Variants in NIBAN3 observed in about 807,000 individuals in gnomAD.
The protein encoded by NIBAN3 is niban apoptosis regulator 3, also known as protein Niban 3.
In NIBAN3, 66 loss-of-function variants were observed where a neutral mutation model predicts 76.4. The ratio of observed to expected loss-of-function variants is 0.86; its 90% CI spans 0.71 to 1.06. The LOEUF (loss-of-function observed/expected upper bound fraction) is 1.06, where lower values mean the gene tolerates loss of function less well. NIBAN3 is among the 50% of genes least tolerant of loss of function. The pLI is 0.00. For missense variants in NIBAN3, 808 were observed against 810.7 expected, an observed-to-expected ratio of 1.00 and a Z score of 0.04; for synonymous variants, 360 against 355.2, an observed-to-expected ratio of 1.01 and a Z score of -0.15.
At position 17,539,793 on chromosome 19, in the gene NIBAN3, G is replaced by A. The variant is rs1295222233; in HGVS notation, c.979+28G>A. On this transcript the variant is annotated intron_variant, in intron 8 of 14. Transcript: ENST00000599164. The stretch of plus-strand genomic sequence containing the variant: ...GAGGCCCTGGGGCGGAGCCTGGGCT[G>A]GGAGGGGCGAGGCGATGCTGGGGAA... The A allele has an allele frequency of 2.7e-6, 4 of 1,482,424 alleles. No homozygotes were observed. The South Asian group carries it at 4.9e-5, about 18-fold the overall frequency. The allele number at this position is 1,482,424 out of a possible 1,614,324, so 91.8% of individuals were successfully genotyped here. A position where few individuals can be genotyped will look rare whatever the true frequency, so the allele number is the denominator to read the frequency against.
At chr19:17,538,634 A>T (rs2075869781) in intron 5 of NIBAN3, among the ~76,000 whole-genome samples, 1 of 150,044 alleles carries the variant, frequency 6.7e-6, no homozygotes, top group African/African-American at 2.5e-5. Context: ...GAGAGAGAAA[A>T]GAAAAGAAAA....
At chr19:17,525,017 A>G (rs1399811908), upstream of NIBAN3, among the ~76,000 whole-genome samples, 1 of 152,180 alleles carries the variant, frequency 6.6e-6, no homozygotes, top group African/African-American at 2.4e-5. Flanking sequence ...ACTGAGGCCA[A>G]TAGGAGCAAT....
intron 13 of NIBAN3, among the ~76,000 whole-genome samples, chr19:17,548,428 G>A (rs1325847269): frequency 1.3e-5 from 2 of 152,144 alleles, no homozygotes; most frequent in East Asian, 1.9e-4. Flanking sequence ...TGGGAACAAA[G>A]GACAGGCCCG....
At chr19:17,535,712 T>C (rs115776334) in intron 4 of NIBAN3, among the ~76,000 whole-genome samples, 2 of 148,154 alleles carry the variant, frequency 1.3e-5, no homozygotes, top group African/African-American at 5.1e-5. Context: ...AGCGCCACTT[T>C]ACTCCAGCAT....
At chr19:17,539,901 G>A (rs2075910326) in intron 8 of NIBAN3, 136 bp downstream of exon 8, 3 of 650,836 alleles carry the variant, frequency 4.6e-6, no homozygotes, top group Admixed American at 3.2e-5. Context: ...GCCAAGCATA[G>A]GATGTGCAAG....
At position 17,539,670 on chromosome 19, in the gene NIBAN3, A is replaced by G; in HGVS notation, c.884A>G (p.Glu295Gly). Residue 295 changes from glutamate (E) to glycine (G), a missense_variant, in exon 8 of 15, where the codon GAA (glutamate) becomes GGA (glycine). Glu to Gly is a moderately conservative substitution (Grantham distance 98, BLOSUM62 -2). Coordinates refer to ENST00000599164, the MANE Select transcript of NIBAN3 (RefSeq NM_001321827.2). ...GCCGGGCTCTGCGCCTTCCAGCCCG[A>G]AAAGGACGAGCTGCTTGCGTCGCTG... ...ASAGLCAFQP[E>G]KDELLASLEK... The G allele has an allele frequency of 1.3e-6, 2 of 1,561,316 alleles. No homozygotes were observed. Among genetic ancestry groups the G allele is most frequent in the Non-Finnish European group, 1.7e-6 (2 of 1,152,924 alleles).
intron 12 of NIBAN3, among the ~76,000 whole-genome samples, chr19:17,544,742 C>A (rs915309816): frequency 6.6e-6 from 1 of 152,118 alleles, no homozygotes; most frequent in African/African-American, 2.4e-5. Flanking sequence ...CTCATGGGCA[C>A]CAGGCGGGTG....
In NIBAN3 at chr19:17,551,891, G is replaced by A. The variant is rs769599401; in HGVS notation, c.1856G>A (p.Arg619Gln). The change falls in exon 15 of 15, where the codon CGG becomes CAG. Residue 619 changes from arginine to glutamine, a missense_variant. Physicochemically the swap from Arg to Gln is conservative, Grantham distance 43. Coordinates refer to ENST00000599164, the MANE Select transcript of NIBAN3 (RefSeq NM_001321827.2). ...LCPPPSPGTF[R>Q]S The stretch of plus-strand genomic sequence containing the variant: ...CCACCGCCTTCTCCAGGAACATTCC[G>A]GAGCTGAATCTTCACCCACATCTAT... 29 of 777,448 alleles carry A rather than the reference G, an allele frequency of 3.7e-5. No homozygotes were observed. The highest frequency in any genetic ancestry group is 6.8e-5 in the African/African-American group (4 of 59,056). 48.2% of individuals were successfully genotyped at this position (777,448 alleles called of 1,614,324 possible).
chr19:17,553,368 C>T lies in NIBAN3; in HGVS notation c.*1470C>T, dbSNP rs776352561. ...TGGCTGGGAGACAAGCTTTTACCGACTTCCTCTGCTTGCCAGCAAAGTCAT... is the reference window on the plus strand; with the variant it reads ...TGGCTGGGAGACAAGCTTTTACCGATTTCCTCTGCTTGCCAGCAAAGTCAT... On this transcript the variant is annotated 3_prime_UTR_variant, in exon 15 of 15. Coordinates refer to ENST00000599164, the MANE Select transcript of NIBAN3 (RefSeq NM_001321827.2). 2.5e-6 allele frequency: 4 copies of T among 1,614,054 alleles called. No homozygotes were observed. The African/African-American group carries it at 4.0e-5, about 16-fold the overall frequency.
At position 17,537,502 on chromosome 19, in the gene NIBAN3, G is replaced by C. The variant is rs985026826; in HGVS notation, c.554G>C (p.Trp185Ser). Residue 185 changes from tryptophan to serine, a missense_variant, in exon 5 of 15, where the codon TGG (tryptophan) becomes TCG (serine). By Grantham distance (177) the Trp-to-Ser change is radical (BLOSUM62 -3). Coordinates refer to ENST00000599164, the MANE Select transcript of NIBAN3 (RefSeq NM_001321827.2). Reference protein sequence around the residue: ...SAATREAQHAWRLALQGGIRL... With the variant: ...SAATREAQHASRLALQGGIRL... ...GCCACCAGGGAGGCACAGCATGCCT[G>C]GAGGCTGGCCCTGCAGGGTGGCATC... 8.7e-6 allele frequency: 14 copies of C among 1,611,090 alleles called. No homozygotes were observed. The highest frequency in any genetic ancestry group is 1.3e-5 in the African/African-American group (1 of 74,912).
Position 17,553,247 on chromosome 19 carries a change from A to G in NIBAN3, c.*1349A>G. 6.3e-7 allele frequency: 1 copy of G among 1,579,494 alleles called. No individual in the cohort carries two copies. Among genetic ancestry groups the G allele is most frequent in the Non-Finnish European group, 8.6e-7 (1 of 1,163,664 alleles). ...ATCTGAAGGATATGAACGCTTTGTG[A>G]TACAGGTTACAGATTTTGGGGTTTT... is the stretch of plus-strand genomic sequence containing the variant. On this transcript the variant is annotated 3_prime_UTR_variant, in exon 15 of 15. Transcript: ENST00000599164.
At chr19:17,538,720 A>G (rs1311586942) in intron 5 of NIBAN3, among the ~76,000 whole-genome samples, 4 of 88,784 alleles carry the variant, frequency 4.5e-5, no homozygotes, top group African/African-American at 1.3e-4. Context: ...AGAAAGAAAG[A>G]AGAAAGAAAG....
At position 17,553,276 on chromosome 19, in the gene NIBAN3, C is replaced by T. The variant is rs778099257; in HGVS notation, c.*1378C>T. 14 of 1,596,664 alleles carry T rather than the reference C, an allele frequency of 8.8e-6. No homozygotes were observed. The highest frequency in any genetic ancestry group is 1.4e-5 in the African/African-American group (1 of 73,846). On this transcript the variant is annotated 3_prime_UTR_variant, in exon 15 of 15. Coordinates refer to ENST00000599164, the MANE Select transcript of NIBAN3 (RefSeq NM_001321827.2). ...AGGTTACAGATTTTGGGGTTTTTTT[C>T]TCCGCTTGCTGTGAGCCTTTTGGGT...
At position 17,553,268 on chromosome 19, in the gene NIBAN3, G is replaced by GT. The variant is rs778994646; in HGVS notation, c.*1377dup. ...TGTGATACAGGTTACAGATTTTGGG[G>GT]TTTTTTTCTCCGCTTGCTGTGAGCC... On this transcript the variant is annotated 3_prime_UTR_variant, in exon 15 of 15. Transcript: ENST00000599164. 1.3e-5 allele frequency: 20 copies of GT among 1,597,820 alleles called. No homozygotes were observed. Among genetic ancestry groups the GT allele is most frequent in the Admixed American group, 6.9e-5 (4 of 57,890 alleles).
At chr19:17,555,219 T>A (rs1568469895), downstream of NIBAN3, among the ~76,000 whole-genome samples, 1 of 152,130 alleles carries the variant, frequency 6.6e-6, no homozygotes, top group Non-Finnish European at 1.5e-5. Flanking sequence ...ACCTTTATTC[T>A]CCACAACCCT....
upstream of NIBAN3, among the ~76,000 whole-genome samples, chr19:17,526,460 T>C (rs1231429857): frequency 6.6e-6 from 1 of 150,624 alleles, no homozygotes; most frequent in Non-Finnish European, 1.5e-5. Flanking sequence ...CTGGGCAACA[T>C]AGGAAGACCC....
intron 10 of NIBAN3, 83 bp from the exon 11 acceptor site, chr19:17,543,234 T>C: frequency 1.1e-6 from 1 of 874,762 alleles, no homozygotes; most frequent in Non-Finnish European, 1.8e-6. Flanking sequence ...GGTTGGATGC[T>C]GAGAAGGGGT....
rs1017886801 is a variant in NIBAN3 at position 17,527,462 on chromosome 19, A to C, written c.55+67A>C. On this transcript the variant is annotated intron_variant, in intron 1 of 14. Coordinates refer to ENST00000599164, the MANE Select transcript of NIBAN3 (RefSeq NM_001321827.2). ...TGGGGGCTCCAGCCATTGGGTCCAC[A>C]TGCTCCATGCAGCAGATGGGGTTCG... The C allele has an allele frequency of 1.4e-4, 201 of 1,437,490 alleles. 1 individual carries two copies. The highest frequency in any genetic ancestry group is 7.7e-5 in the Admixed American group (3 of 38,822). 89.0% of individuals were successfully genotyped at this position (1,437,490 alleles called of 1,614,324 possible). A position where few individuals can be genotyped will look rare whatever the true frequency, so the allele number is the denominator to read the frequency against.
chr19:17,535,745 C>CAAAA (rs1163900162), intron 4 of NIBAN3, among the ~76,000 whole-genome samples: 2,942 of 85,894 alleles, frequency 0.034, 130 homozygotes, highest in African/African-American at 0.12. Context: ...AAGACTCTGT[C>CAAAA]AAAAAAAAAA....
Sources: gnomAD v4.1 joint callset for allele counts (sites outside exome capture counted in the v4.1 genomes callset) on GRCh38, gnomAD v4.1.1 for gene constraint, MANE v1.5 for transcripts, NCBI Gene and HGNC (gene_info 2026-07-23, HGNC 2026-07-21) for gene names.